CDC42SE1: variants seen among roughly 807,000 people sequenced by gnomAD.
CDC42SE1 encodes CDC42 small effector 1.
A neutral mutation model predicts 10.9 loss-of-function variants in CDC42SE1; 10 were observed. That is an observed-to-expected ratio of 0.92 (90% CI 0.57 to 1.56). The LOEUF is 1.56. Among genes scored for constraint, CDC42SE1 ranks in the 40% most tolerant of loss-of-function variants. The pLI, the probability that CDC42SE1 is intolerant of heterozygous loss-of-function variation, is 0.00. For synonymous variants in CDC42SE1, 24 were observed against 32.0 expected (o/e 0.75, Z 0.85); for missense variants, 81 against 100.8 (o/e 0.80, Z 0.84).
At position 151,052,093 on chromosome 1, in the gene CDC42SE1, A is replaced by C. The variant is rs1676193885; in HGVS notation, c.*1251T>G. ...TAGCGTGCCAAGCAGAAATCACTTC[A>C]GAGAAAAATATCTTGACTTTAGAGT... On this transcript the variant is annotated 3_prime_UTR_variant, in exon 5 of 5. Transcript: ENST00000357235. The C allele has an allele frequency of 1.3e-5, 2 of 152,328 alleles. No homozygotes were observed. The highest frequency in any genetic ancestry group is 4.8e-5 in the African/African-American group (2 of 41,580). The allele number at this position is 152,328 out of a possible 1,614,324, so 9.4% of individuals were successfully genotyped here.
chr1:151,054,824 A>C (rs1412991117), intron 3 of CDC42SE1, among the ~76,000 whole-genome samples, 192 bp downstream of exon 3: 3 of 152,148 alleles, frequency 2.0e-5, no homozygotes, highest in African/African-American at 7.2e-5. Flanking sequence ...CTAAGTTGTA[A>C]AGATGAGAGA....
rs1676207391 is a variant in CDC42SE1 at position 151,052,852 on chromosome 1, C to A, written c.*492G>T. On this transcript the variant is annotated 3_prime_UTR_variant, in exon 5 of 5. Coordinates refer to ENST00000357235, the MANE Select transcript of CDC42SE1 (RefSeq NM_020239.4). ...AAAGGGAGTAGGCACCCCCACCAGCCCCTGCTTGACATCTGCTTTAGTTCA... is the reference window on the plus strand; with the variant it reads ...AAAGGGAGTAGGCACCCCCACCAGCACCTGCTTGACATCTGCTTTAGTTCA... 1 of 152,184 alleles carries A rather than the reference C, an allele frequency of 6.6e-6. No homozygotes were observed. 9.4% of individuals were successfully genotyped at this position (152,184 alleles called of 1,614,324 possible). A position where few individuals can be genotyped will look rare whatever the true frequency, so the allele number is the denominator to read the frequency against.
At chr1:151,056,658 T>C (rs1191654368) in intron 1 of CDC42SE1, 1 of 152,066 alleles carries the variant, frequency 6.6e-6, no homozygotes. Flanking sequence ...TACCTGACCT[T>C]GAGATCCTTC....
At chr1:151,053,454 A>G (rs1292531374) in intron 4 of CDC42SE1, 127 bp from the exon 5 acceptor site, 1 of 152,248 alleles carries the variant, frequency 6.6e-6, no homozygotes, top group Non-Finnish European at 1.5e-5. Flanking sequence ...TTCTGTCTGC[A>G]CAACACCCTC....
chr1:151,055,084 G>C lies in CDC42SE1; in HGVS notation c.97C>G (p.Pro33Ala). 1 of 1,613,676 alleles carries C rather than the reference G, an allele frequency of 6.2e-7. No individual in the cohort carries two copies. The highest frequency in any genetic ancestry group is 8.5e-7 in the Non-Finnish European group (1 of 1,179,952). The change falls in exon 3 of 5, where the codon CCA becomes GCA. Residue 33 changes from proline (P) to alanine (A), a missense_variant. Coordinates refer to ENST00000357235, the MANE Select transcript of CDC42SE1 (RefSeq NM_020239.4). ...TGAGTCAGGTGAACAAAATTCATTG[G>C]TTCCCCAATCATGGTCCGGTCAATC... ...RRIDRTMIGEPMNFVHLTHIG... is the reference protein window; with the variant it reads ...RRIDRTMIGEAMNFVHLTHIG...
chr1:151,054,987 G>C (rs1676253644), intron 3 of CDC42SE1, 29 bp downstream of exon 3: 6 of 1,500,484 alleles, frequency 4.0e-6, no homozygotes, highest in Non-Finnish European at 5.6e-6. Context: ...CCTCACCCCT[G>C]TATCAACCTC....
intron 1 of CDC42SE1, chr1:151,058,955 A>C (rs1313330167): frequency 2.6e-5 from 4 of 152,306 alleles, no homozygotes; most frequent in African/African-American, 9.7e-5. Flanking sequence ...CCCTGTGTGG[A>C]GACCCCGAGA....
At chr1:151,055,170 C>CGTGCTGACTGG in intron 2 of CDC42SE1, 44 bp from the exon 3 acceptor site, 1 of 1,408,240 alleles carries the variant, frequency 7.1e-7, no homozygotes, top group Non-Finnish European at 1.0e-6. Context: ...GCCCCTCCTC[C>CGTGCTGACTGG]AGTCAGCACG....
rs760586176 is a variant in CDC42SE1, at chr1:151,054,299, A to T, written c.188T>A (p.Met63Lys). 3.1e-6 allele frequency: 5 copies of T among 1,612,190 alleles called. No individual in the cohort carries two copies. The highest frequency in any genetic ancestry group is 3.4e-6 in the Non-Finnish European group (4 of 1,178,340). ...CCTATCTCGGTTTCCCTTGGATCTC[A>T]TCTGCTCCTGAACTGCACCTGTCTG... Reference protein sequence around the residue: ...LAMTGAVQEQMRSKGNRDRPW... With the variant: ...LAMTGAVQEQKRSKGNRDRPW... The change falls in exon 4 of 5, where the codon ATG becomes AAG. Residue 63 changes from methionine to lysine, a missense_variant. Transcript: ENST00000357235.
chr1:151,051,025 C>G lies in CDC42SE1; in HGVS notation c.*2319G>C, dbSNP rs1200422877. 1 of 152,156 alleles carries G rather than the reference C, an allele frequency of 6.6e-6. No individual in the cohort carries two copies. Among genetic ancestry groups the G allele is most frequent in the East Asian group, 1.9e-4 (1 of 5,200 alleles). The allele number at this position is 152,156 out of a possible 1,614,324, so 9.4% of individuals were successfully genotyped here. On this transcript the variant is annotated 3_prime_UTR_variant, in exon 5 of 5. Coordinates refer to ENST00000357235, the MANE Select transcript of CDC42SE1 (RefSeq NM_020239.4). Reference sequence around the variant, plus strand: ...TATTTGAAAAAATGTATTTAAAAGTCCAACAACTTTTTAATATAAATTACG... The same window carrying G: ...TATTTGAAAAAATGTATTTAAAAGTGCAACAACTTTTTAATATAAATTACG...
chr1:151,057,866 T>C lies in CDC42SE1; in HGVS notation c.-264+1613A>G, dbSNP rs115209631. ...TCTTCTCACCACTGGAAGGGAGGAGTAACCAGAAGGAGCGGAAGCTAAAAC... is the reference window on the plus strand; with the variant it reads ...TCTTCTCACCACTGGAAGGGAGGAGCAACCAGAAGGAGCGGAAGCTAAAAC... On this transcript the variant is annotated intron_variant, in intron 1 of 4. Coordinates refer to ENST00000357235, the MANE Select transcript of CDC42SE1 (RefSeq NM_020239.4). The surrounding 1 kb of genome is among the most constrained non-coding windows in gnomAD (Gnocchi z 4.0). 1 of 149,544 alleles carries C rather than the reference T, an allele frequency of 6.7e-6. No homozygotes were observed. The highest frequency in any genetic ancestry group is 1.5e-5 in the Non-Finnish European group (1 of 67,614). The allele number at this position is 149,544 out of a possible 1,614,324, so 9.3% of individuals were successfully genotyped here.
In CDC42SE1 at chr1:151,054,967, C is replaced by T. The variant is rs760109876; in HGVS notation, c.165+49G>A. 1.4e-5 allele frequency: 18 copies of T among 1,307,322 alleles called. No individual in the cohort carries two copies. The Admixed American group carries it at 1.9e-4, about 14-fold the overall frequency. The allele number at this position is 1,307,322 out of a possible 1,614,324, so 81.0% of individuals were successfully genotyped here. A position where few individuals can be genotyped will look rare whatever the true frequency, so the allele number is the denominator to read the frequency against. ...AGCTTGAACTTTCAAAAAGAGGGAACGGTTATAGACCTCACCCCTGTATCA... is the reference window on the plus strand; with the variant it reads ...AGCTTGAACTTTCAAAAAGAGGGAATGGTTATAGACCTCACCCCTGTATCA... On this transcript the variant is annotated intron_variant, in intron 3 of 4. Transcript: ENST00000357235.
Position 151,059,585 on chromosome 1 carries a change from G to C in CDC42SE1, c.-370C>G, listed in dbSNP as rs994625732. 6.6e-6 allele frequency: 1 copy of C among 152,344 alleles called. No individual in the cohort carries two copies. The allele number at this position is 152,344 out of a possible 1,614,324, so 9.4% of individuals were successfully genotyped here. A position where few individuals can be genotyped will look rare whatever the true frequency, so the allele number is the denominator to read the frequency against. ...CCCGGGCTAGCTCTGCGGCGAGGTG[G>C]GGGAGCCGAGTACGAGCCGGCAGAG... is the stretch of plus-strand genomic sequence containing the variant. On this transcript the variant is annotated 5_prime_UTR_variant, in exon 1 of 5. Coordinates refer to ENST00000357235, the MANE Select transcript of CDC42SE1 (RefSeq NM_020239.4).
At position 151,056,039 on chromosome 1, in the gene CDC42SE1, C is replaced by T. The variant is rs778300827; in HGVS notation, c.-263-46G>A. ...AAGAAAGATCAGTGAGAAATCTCCC[C>T]CTCCCCCAATCCTTGAGAAACCTCC... is the stretch of plus-strand genomic sequence containing the variant. On this transcript the variant is annotated intron_variant, in intron 1 of 4. Coordinates refer to ENST00000357235, the MANE Select transcript of CDC42SE1 (RefSeq NM_020239.4). 1.3e-4 allele frequency: 55 copies of T among 423,036 alleles called. 1 individual carries two copies. Among genetic ancestry groups the T allele is most frequent in the South Asian group, 6.0e-4 (24 of 39,776 alleles). 26.2% of individuals were successfully genotyped at this position (423,036 alleles called of 1,614,324 possible).
In CDC42SE1 at chr1:151,051,353, T is replaced by C. The variant is rs1676174560; in HGVS notation, c.*1991A>G. ...GAGTAAATTGGGAATGTATGACCAA[T>C]CTTAGACCCTGAAAAATGGCAGAAA... On this transcript the variant is annotated 3_prime_UTR_variant, in exon 5 of 5. Transcript: ENST00000357235. 8.5e-6 allele frequency: 1 copy of C among 117,882 alleles called. No homozygotes were observed. The highest frequency in any genetic ancestry group is 1.6e-5 in the Non-Finnish European group (1 of 61,784). 7.3% of individuals were successfully genotyped at this position (117,882 alleles called of 1,614,324 possible).
chr1:151,053,456 A>C (rs1418813083), intron 4 of CDC42SE1, 129 bp from the exon 5 acceptor site: 1 of 152,272 alleles, frequency 6.6e-6, no homozygotes, highest in Non-Finnish European at 1.5e-5. Context: ...CTGTCTGCAC[A>C]ACACCCTCTC....
chr1:151,053,462 C>T (rs1676220983), intron 4 of CDC42SE1, 135 bp from the exon 5 acceptor site: 1 of 152,226 alleles, frequency 6.6e-6, no homozygotes, highest in Non-Finnish European at 1.5e-5. Flanking sequence ...GCACAACACC[C>T]TCTCAGTCTT....
Position 151,055,144 on chromosome 1 carries a change from G to A in CDC42SE1, c.55-18C>T. 1 of 1,588,776 alleles carries A rather than the reference G, an allele frequency of 6.3e-7. No individual in the cohort carries two copies. The highest frequency in any genetic ancestry group is 8.6e-7 in the Non-Finnish European group (1 of 1,157,608). ...TTCTTCTTCTGCTTGGAGAAGATAA[G>A]GAGTCATGTCTTAAGGCCCCTCCTC... On this transcript the variant is annotated intron_variant, in intron 2 of 4. Transcript: ENST00000357235.
rs1676199497 is a variant in CDC42SE1 at position 151,052,386 on chromosome 1, C to T, written c.*958G>A. ...TAAACTCACAGATGATTGTTTTCAA[C>T]CTATTTATCTCACCATCCTCAATGA... On this transcript the variant is annotated 3_prime_UTR_variant, in exon 5 of 5. Transcript: ENST00000357235. 1 of 152,636 alleles carries T rather than the reference C, an allele frequency of 6.6e-6. No individual in the cohort carries two copies. The highest frequency in any genetic ancestry group is 1.5e-5 in the Non-Finnish European group (1 of 68,054). The allele number at this position is 152,636 out of a possible 1,614,324, so 9.5% of individuals were successfully genotyped here.
Sources: allele counts gnomAD v4.1 joint callset (sites outside exome capture counted in the v4.1 genomes callset), GRCh38; gene constraint gnomAD v4.1.1; non-coding constraint Gnocchi (gnomAD v3.1); transcripts MANE v1.5; gene names NCBI Gene and HGNC (gene_info 2026-07-23, HGNC 2026-07-21).